TMEM245: variants seen among roughly 807,000 people sequenced by gnomAD.
The protein encoded by TMEM245 is transmembrane protein 245.
TMEM245 carries 69 observed loss-of-function variants against 101.2 expected under a neutral mutation model. The ratio of observed to expected loss-of-function variants is 0.68; its 90% CI spans 0.56 to 0.83. TMEM245 has a LOEUF of 0.83. Among genes scored for constraint, TMEM245 ranks in the 40% least tolerant of loss-of-function variants. The probability of loss-of-function intolerance (pLI) is 0.00; values close to 1 mark genes in which losing one functional copy is unlikely to be tolerated. For synonymous variants in TMEM245, 537 were observed against 449.8 expected, an observed-to-expected ratio of 1.19 and a Z score of -2.45; for missense variants, 1,075 against 1,092.8, an observed-to-expected ratio of 0.98 and a Z score of 0.23.
intron 8 of TMEM245, among the ~76,000 whole-genome samples, chr9:109,080,276 C>T (rs1829629553): frequency 6.6e-6 from 1 of 151,732 alleles, no homozygotes; most frequent in South Asian, 2.1e-4. Flanking sequence ...TCTTGTCAGA[C>T]TTGATAAGCC....
At chr9:109,031,125 T>G (rs1207867715) in intron 17 of TMEM245, among the ~76,000 whole-genome samples, 1 of 152,214 alleles carries the variant, frequency 6.6e-6, no homozygotes, top group Admixed American at 6.5e-5. Context: ...GTTGTTAAAA[T>G]GTAATTTCTG....
Position 109,075,772 on chromosome 9 carries a change from T to C in TMEM245, c.1450-2334A>G, listed in dbSNP as rs975710169. ...TCTGGCTAAAATTTTGTCAATTTTA[T>C]TGATGTTTTTCAAAGAAACAGCTTT... is the stretch of plus-strand genomic sequence containing the variant. On this transcript the variant is annotated intron_variant, in intron 8 of 17. Transcript: ENST00000374586. Among the ~76,000 whole-genome samples, 4 of 152,244 alleles carry C rather than the reference T, an allele frequency of 2.6e-5. No homozygotes were observed. In the East Asian group the frequency reaches 7.7e-4, roughly 29 times the overall value.
intron 9 of TMEM245, among the ~76,000 whole-genome samples, chr9:109,071,935 T>G (rs1275996821): frequency 2.0e-5 from 3 of 152,004 alleles, no homozygotes; most frequent in Non-Finnish European, 4.4e-5. Context: ...AGAGAGTAAG[T>G]ATTTTAGGCT....
At chr9:109,096,416 G>A (rs1006846962) in intron 3 of TMEM245, among the ~76,000 whole-genome samples, 4 of 152,212 alleles carry the variant, frequency 2.6e-5, no homozygotes, top group African/African-American at 9.6e-5. Context: ...GGCAGAGGTT[G>A]CAGTGAGCCG....
At position 109,060,469 on chromosome 9, in the gene TMEM245, A is replaced by T. The variant is rs1828978147; in HGVS notation, c.1624-17T>A. 6.5e-7 allele frequency: 1 copy of T among 1,549,478 alleles called. No individual in the cohort carries two copies. The highest frequency in any genetic ancestry group is 1.1e-5 in the South Asian group (1 of 88,418). On this transcript the variant is annotated splice_polypyrimidine_tract_variant and intron_variant, in intron 10 of 17. Transcript: ENST00000374586. ...TTTATGGAGCTAGAAAAAAACACAG[A>T]TACGACGTGGTACAATATTTCAGGC...
rs1198125627 is a variant in TMEM245, at chr9:109,106,687, T to C, written c.698-78A>G. ...TTTTTACAAAACTCAGTTTTGTAGT[T>C]TGACAGAACAATCTGGTATATATAT... On this transcript the variant is annotated intron_variant, in intron 2 of 17. Coordinates refer to ENST00000374586, the MANE Select transcript of TMEM245 (RefSeq NM_032012.4). 2.8e-6 allele frequency: 3 copies of C among 1,054,734 alleles called. No individual in the cohort carries two copies. In the East Asian group the frequency reaches 7.8e-5, roughly 27 times the overall value. The allele number at this position is 1,054,734 out of a possible 1,614,324, so 65.3% of individuals were successfully genotyped here.
chr9:109,095,969 G>A (rs1344549394), intron 3 of TMEM245, among the ~76,000 whole-genome samples: 1 of 152,158 alleles, frequency 6.6e-6, no homozygotes, highest in Non-Finnish European at 1.5e-5. Context: ...ATGCCAGTGT[G>A]GTCTACAGCC....
chr9:109,037,643 C>T (rs1828172421), intron 15 of TMEM245, among the ~76,000 whole-genome samples: 1 of 152,182 alleles, frequency 6.6e-6, no homozygotes, highest in African/African-American at 2.4e-5. Flanking sequence ...TTACTTTCCA[C>T]CACTATTATA....
intron 2 of TMEM245, among the ~76,000 whole-genome samples, chr9:109,106,821 A>G (rs1053746560): frequency 6.6e-6 from 1 of 152,314 alleles, no homozygotes; most frequent in Non-Finnish European, 1.5e-5. Flanking sequence ...GCCCCTGGTC[A>G]AATGGATAGG....
rs191247831 is a variant in TMEM245, at chr9:109,030,649, G to C, written c.2594+2658C>G. 7.2e-5 allele frequency among the ~76,000 whole-genome samples: 11 copies of C among 152,296 alleles called. No individual in the cohort carries two copies. The East Asian group carries it at 2.1e-3, about 29-fold the overall frequency. Reference sequence around the variant, plus strand: ...CAGGTATCTGAGCACTTGTCTTTAAGAGGCAAAGGCAGAAAAGGATATCAT... The same window carrying C: ...CAGGTATCTGAGCACTTGTCTTTAACAGGCAAAGGCAGAAAAGGATATCAT... On this transcript the variant is annotated intron_variant, in intron 17 of 17. Coordinates refer to ENST00000374586, the MANE Select transcript of TMEM245 (RefSeq NM_032012.4).
chr9:109,086,676 C>T (rs1269389889), intron 6 of TMEM245, among the ~76,000 whole-genome samples: 1 of 152,188 alleles, frequency 6.6e-6, no homozygotes, highest in African/African-American at 2.4e-5. Flanking sequence ...ATAGTCCATG[C>T]TCTTTAACCA....
intron 3 of TMEM245, among the ~76,000 whole-genome samples, chr9:109,096,003 C>T (rs761969284): frequency 3.9e-5 from 6 of 152,096 alleles, no homozygotes; most frequent in African/African-American, 7.2e-5. Flanking sequence ...CAGGGAAAAG[C>T]GGCTGTGTTA....
intron 2 of TMEM245, among the ~76,000 whole-genome samples, chr9:109,107,320 A>T (rs1231934254): frequency 6.6e-6 from 1 of 150,464 alleles, no homozygotes; most frequent in East Asian, 1.9e-4. Context: ...AATTGCTTGA[A>T]CCCAGGAGGT....
intron 8 of TMEM245, among the ~76,000 whole-genome samples, chr9:109,074,015 C>T (rs1326979109): frequency 6.6e-6 from 1 of 151,994 alleles, no homozygotes; most frequent in Non-Finnish European, 1.5e-5. Context: ...CACTCACAAC[C>T]ACGCCTGTCT....
At chr9:109,046,173 C>A (rs1221635924) in intron 14 of TMEM245, 1 of 523,190 alleles carries the variant, frequency 1.9e-6, no homozygotes, top group Non-Finnish European at 4.0e-6. Context: ...CCCACTGGCA[C>A]TGAAAAGCTG....
chr9:109,105,906 G>A (rs1830401642), intron 3 of TMEM245, among the ~76,000 whole-genome samples: 2 of 152,144 alleles, frequency 1.3e-5, no homozygotes, highest in Admixed American at 1.3e-4. Flanking sequence ...CCGAGTAGCA[G>A]GGACTACAGG....
intron 7 of TMEM245, among the ~76,000 whole-genome samples, chr9:109,085,302 C>A (rs559575695): frequency 2.0e-5 from 3 of 152,118 alleles, no homozygotes; most frequent in Non-Finnish European, 2.9e-5. Context: ...TTAAACATTA[C>A]GATATGTGGA....
At chr9:109,098,917 C>T (rs150518198) in intron 3 of TMEM245, among the ~76,000 whole-genome samples, 1,750 of 152,322 alleles carry the variant, frequency 0.011, 14 homozygotes, top group South Asian at 0.031. Flanking sequence ...ACAGGTCAGA[C>T]AGTGTCTGTT....
chr9:109,109,183 G>A (rs1830505312), intron 1 of TMEM245, among the ~76,000 whole-genome samples: 1 of 151,980 alleles, frequency 6.6e-6, no homozygotes, highest in Non-Finnish European at 1.5e-5. Context: ...ATTATTAGAG[G>A]AACAAACAGC....
Sources: gnomAD v4.1 joint callset for allele counts (sites outside exome capture counted in the v4.1 genomes callset) on GRCh38, gnomAD v4.1.1 for gene constraint, MANE v1.5 for transcripts, NCBI Gene and HGNC (gene_info 2026-07-23, HGNC 2026-07-21) for gene names.